The following SHROOM3 variants were observed in gnomAD, a reference collection of about 807,000 sequenced individuals.
SHROOM3 encodes the protein protein Shroom3.
In SHROOM3, 47 loss-of-function variants were observed where a neutral mutation model predicts 138.6. The observed-to-expected ratio is 0.34, with a 90% CI of 0.27 to 0.43. The LOEUF (loss-of-function observed/expected upper bound fraction) is 0.43. Ranked by LOEUF, SHROOM3 falls within the 20% of genes least tolerant of loss-of-function variation. The pLI is 1.00. For missense variants in SHROOM3, 2,491 were observed against 2,596.5 expected, an observed-to-expected ratio of 0.96 and a Z score of 0.88; for synonymous variants, 1,062 against 1,063.3, an observed-to-expected ratio of 1.00 and a Z score of 0.02.
intron 2 of SHROOM3, among the ~76,000 whole-genome samples, chr4:76,705,523 T>C (rs1179780734): frequency 6.6e-6 from 1 of 151,846 alleles, no homozygotes; most frequent in Non-Finnish European, 1.5e-5. Flanking sequence ...AAAAAGCAAA[T>C]AAGAAAGCAG....
intron 2 of SHROOM3, among the ~76,000 whole-genome samples, chr4:76,581,092 TC>T (rs1022999119): frequency 7.9e-5 from 12 of 152,202 alleles, no homozygotes; most frequent in African/African-American, 2.9e-4. Context: ...GCTTTTTTTT[TC>T]ATTCCTAAGA....
chr4:76,678,149 GTTT>G (rs754145107), intron 2 of SHROOM3, among the ~76,000 whole-genome samples: 40 of 152,160 alleles, frequency 2.6e-4, no homozygotes, highest in Non-Finnish European at 4.7e-4. Flanking sequence ...TTTAATTTCT[GTTT>G]TTCCTTTGAG....
Position 76,770,610 on chromosome 4 carries a change from T to C in SHROOM3, c.5350-16T>C, listed in dbSNP as rs776028740. The C allele has an allele frequency of 1.2e-6, 2 of 1,613,510 alleles. No homozygotes were observed. The highest frequency in any genetic ancestry group is 3.3e-5 in the Admixed American group (2 of 60,014). On this transcript the variant is annotated splice_polypyrimidine_tract_variant and intron_variant, in intron 9 of 10. Transcript: ENST00000296043. ...CTCCTGTTGGCTGATCTTTGCGGTC[T>C]TATCTGTCATTTCAGGCTGAGCTCA...
At chr4:76,641,816 G>A (rs1560576697) in intron 2 of SHROOM3, among the ~76,000 whole-genome samples, 1 of 152,090 alleles carries the variant, frequency 6.6e-6, no homozygotes, top group Non-Finnish European at 1.5e-5. Context: ...TACTGTCCCC[G>A]ACCAGTTGGT....
chr4:76,636,651 C>T (rs766516168), intron 2 of SHROOM3, among the ~76,000 whole-genome samples: 4 of 152,022 alleles, frequency 2.6e-5, no homozygotes, highest in Admixed American at 2.6e-4. Flanking sequence ...GTGGGTTTTC[C>T]CCAGGGACTC....
intron 1 of SHROOM3, among the ~76,000 whole-genome samples, chr4:76,528,256 C>A (rs1732742696): frequency 6.6e-6 from 1 of 152,014 alleles, no homozygotes; most frequent in African/African-American, 2.4e-5. Flanking sequence ...AAAACTATAT[C>A]TTTCTAATTC....
chr4:76,730,928 C>T lies in SHROOM3; in HGVS notation c.580C>T (p.His194Tyr). Residue 194 changes from histidine to tyrosine, a missense_variant, in exon 4 of 11, where the codon CAT becomes TAT. His to Tyr is a moderately conservative substitution (Grantham distance 83, BLOSUM62 2). Transcript: ENST00000296043. ...CGGCCCTCCTTGGCACCAAAGCTAC[C>T]ATTCCAGGTAAGTGGCTATAGCTGA... Reference protein sequence around the residue: ...MIGPPWHQSYHSSSSTSDLSN... With the variant: ...MIGPPWHQSYYSSSSTSDLSN... The T allele has an allele frequency of 6.2e-7, 1 of 1,613,984 alleles. No individual in the cohort carries two copies. The highest frequency in any genetic ancestry group is 2.2e-5 in the East Asian group (1 of 44,898).
At chr4:76,772,251 G>A (rs750372589) in intron 10 of SHROOM3, among the ~76,000 whole-genome samples, 4 of 151,602 alleles carry the variant, frequency 2.6e-5, no homozygotes, top group Non-Finnish European at 5.9e-5. Flanking sequence ...TTACAGGTGC[G>A]CACCACCATG....
intron 9 of SHROOM3, among the ~76,000 whole-genome samples, chr4:76,768,803 T>G (rs1233069859): frequency 6.6e-6 from 1 of 152,156 alleles, no homozygotes; most frequent in African/African-American, 2.4e-5. Context: ...CATGAGCCAC[T>G]GCGCCCAGCC....
At chr4:76,717,140 C>T (rs181895510) in intron 3 of SHROOM3, among the ~76,000 whole-genome samples, 1 of 152,252 alleles carries the variant, frequency 6.6e-6, no homozygotes, top group Non-Finnish European at 1.5e-5. Context: ...TTTTTCCTTT[C>T]AACACTTTCA....
In SHROOM3 at chr4:76,484,714, T is replaced by A. The variant is rs957332524; in HGVS notation, c.168+48494T>A. 2.6e-5 allele frequency among the ~76,000 whole-genome samples: 4 copies of A among 152,240 alleles called. No homozygotes were observed. The South Asian group carries it at 6.2e-4, about 24-fold the overall frequency. ...TTAGATTGCAAAACTGTGGATGTTTTGTGGCAACTTGGAGTCTCAACATCT... is the reference window on the plus strand; with the variant it reads ...TTAGATTGCAAAACTGTGGATGTTTAGTGGCAACTTGGAGTCTCAACATCT... On this transcript the variant is annotated intron_variant, in intron 1 of 10. Transcript: ENST00000296043.
chr4:76,537,893 A>G (rs544825176), intron 1 of SHROOM3, among the ~76,000 whole-genome samples: 17 of 152,156 alleles, frequency 1.1e-4, no homozygotes, highest in Non-Finnish European at 2.2e-4. Context: ...ACTAAAAACC[A>G]TTTAATTGTA....
intron 2 of SHROOM3, among the ~76,000 whole-genome samples, chr4:76,567,142 C>T (rs1733741755): frequency 6.6e-6 from 1 of 152,194 alleles, no homozygotes; most frequent in Admixed American, 6.5e-5. Flanking sequence ...TAAAATTATA[C>T]ATGTGGGGAC....
Position 76,609,485 on chromosome 4 carries a change from A to C in SHROOM3, c.323+53722A>C, listed in dbSNP as rs562526692. Among the ~76,000 whole-genome samples, 4 of 152,238 alleles carry C rather than the reference A, an allele frequency of 2.6e-5. No individual in the cohort carries two copies. The East Asian group carries it at 5.8e-4, about 22-fold the overall frequency. On this transcript the variant is annotated intron_variant, in intron 2 of 10. Coordinates refer to ENST00000296043, the MANE Select transcript of SHROOM3 (RefSeq NM_020859.4). ...TGTTTTGGAGAGATAGGGTCTTACT[A>C]TGTTGCCTAGGCTGGCCTCATGAGA...
At chr4:76,650,376 G>T (rs532639741) in intron 2 of SHROOM3, among the ~76,000 whole-genome samples, 116 of 152,188 alleles carry the variant, frequency 7.6e-4, no homozygotes, top group African/African-American at 2.0e-3. Context: ...AGAACAGTTT[G>T]GAGCTTTCTC....
At chr4:76,470,490 T>G (rs1046491206) in intron 1 of SHROOM3, among the ~76,000 whole-genome samples, 1 of 152,126 alleles carries the variant, frequency 6.6e-6, no homozygotes, top group East Asian at 1.9e-4. Flanking sequence ...AAAAATGACA[T>G]ACAATCAAGA....
chr4:76,561,847 TA>T (rs1733604240), intron 2 of SHROOM3, among the ~76,000 whole-genome samples: 1 of 151,778 alleles, frequency 6.6e-6, no homozygotes, highest in African/African-American at 2.4e-5. Flanking sequence ...CCGTTTCTAT[TA>T]AAAATACAAA....
intron 1 of SHROOM3, among the ~76,000 whole-genome samples, chr4:76,545,259 A>C (rs1445069526): frequency 6.6e-6 from 1 of 152,190 alleles, no homozygotes; most frequent in Non-Finnish European, 1.5e-5. Flanking sequence ...GGGGTCTGTG[A>C]ACTTTTCTTA....
intron 1 of SHROOM3, among the ~76,000 whole-genome samples, chr4:76,465,066 C>T (rs1381649329): frequency 6.6e-6 from 1 of 152,190 alleles, no homozygotes; most frequent in Non-Finnish European, 1.5e-5. Context: ...ATATAGAATT[C>T]TTCAAGGATA....
Sources: gnomAD v4.1 joint callset for allele counts (sites outside exome capture counted in the v4.1 genomes callset) on GRCh38, gnomAD v4.1.1 for gene constraint, MANE v1.5 for transcripts, NCBI Gene and HGNC (gene_info 2026-07-23, HGNC 2026-07-21) for gene names.